The following HS6ST1 variants were observed in gnomAD, a reference collection of about 807,000 sequenced individuals.
HS6ST1 encodes the protein heparan-sulfate 6-O-sulfotransferase 1.
Under a neutral mutation model 25.2 loss-of-function variants are expected in HS6ST1, and 3 were observed. That is an observed-to-expected ratio of 0.12 (90% CI 0.05 to 0.31). HS6ST1 has a LOEUF of 0.31. Among genes scored for constraint, HS6ST1 ranks in the 10% least tolerant of loss-of-function variants. The pLI is 1.00. For synonymous variants in HS6ST1, 204 were observed against 275.1 expected, an observed-to-expected ratio of 0.74 and a Z score of 2.56; for missense variants, 310 against 609.6, an observed-to-expected ratio of 0.51 and a Z score of 5.18.
intron 1 of HS6ST1, among the ~76,000 whole-genome samples, chr2:128,292,675 G>A (rs961449189): frequency 6.6e-6 from 1 of 152,092 alleles, no homozygotes; most frequent in African/African-American, 2.4e-5. Context: ...AGTGCCCTGT[G>A]CAGTGGCTCC....
At chr2:128,284,686 C>T (rs1392118881) in intron 1 of HS6ST1, among the ~76,000 whole-genome samples, 1 of 152,120 alleles carries the variant, frequency 6.6e-6, no homozygotes, top group Non-Finnish European at 1.5e-5. Flanking sequence ...TGGGGTTTTG[C>T]CATGTTGGCC....
intron 1 of HS6ST1, among the ~76,000 whole-genome samples, chr2:128,305,850 C>T (rs1694200381): frequency 6.6e-6 from 1 of 152,192 alleles, no homozygotes; most frequent in Admixed American, 6.5e-5. Flanking sequence ...TTCCCTGCAC[C>T]ATCCTGGACT....
rs539209723 is a variant in HS6ST1 at position 128,276,222 on chromosome 2, G to T, written c.528-7352C>A. The stretch of plus-strand genomic sequence containing the variant: ...GGCTCACTGCAACCTCCGCCTCCTG[G>T]GTTCAATCAATTCTCCCGCCTCAGC... On this transcript the variant is annotated intron_variant, in intron 1 of 1. Transcript: ENST00000259241. 2.0e-5 allele frequency among the ~76,000 whole-genome samples: 3 copies of T among 152,198 alleles called. No homozygotes were observed. In the South Asian group the frequency reaches 6.2e-4, roughly 32 times the overall value.
chr2:128,284,992 T>C (rs1013709317), intron 1 of HS6ST1, among the ~76,000 whole-genome samples: 1 of 152,198 alleles, frequency 6.6e-6, no homozygotes, highest in Admixed American at 6.5e-5. Context: ...GTGGCCCCAC[T>C]GGCAGGCCTG....
intron 1 of HS6ST1, among the ~76,000 whole-genome samples, chr2:128,281,859 C>A (rs1280800543): frequency 6.6e-6 from 1 of 152,220 alleles, no homozygotes; most frequent in Non-Finnish European, 1.5e-5. Context: ...TACCCAGTCA[C>A]CCCATAGGCA....
Position 128,268,564 on chromosome 2 carries a change from G to A in HS6ST1, c.834C>T (p.Leu278=), listed in dbSNP as rs536289777. 1.4e-4 allele frequency: 220 copies of A among 1,602,028 alleles called. No individual in the cohort carries two copies. Among genetic ancestry groups the A allele is most frequent in the South Asian group, 4.1e-4 (37 of 90,092 alleles). Residue 278 remains leucine, a synonymous_variant, in exon 2 of 2, where the codon CTC becomes CTT. Transcript: ENST00000259241. Reference sequence around the variant, plus strand: ...CCCGCAGGTTCTTCTTGGCGCTCTCGAGCAGCAGCTGGGCCCGCTTGCCCT... The same window carrying A: ...CCCGCAGGTTCTTCTTGGCGCTCTCAAGCAGCAGCTGGGCCCGCTTGCCCT... ...IPEGKRAQLL[L]ESAKKNLRGM...
At position 128,318,386 on chromosome 2, in the gene HS6ST1, G is replaced by A. The variant is rs746894917; in HGVS notation, c.178C>T (p.Pro60Ser). 7 of 1,607,730 alleles carry A rather than the reference G, an allele frequency of 4.4e-6. No individual in the cohort carries two copies. The highest frequency in any genetic ancestry group is 1.8e-4 in the Middle Eastern group (1 of 5,544). Residue 60 changes from proline (P) to serine (S), a missense_variant, in exon 1 of 2, where the codon CCC becomes TCC. Coordinates refer to ENST00000259241, the MANE Select transcript of HS6ST1 (RefSeq NM_004807.3). This position sits in a 1 kb window ranked among gnomAD's most constrained non-coding sequence, Gnocchi z 5.7. ...TACTTCTTCTCGTAGTGGGGGTCGG[G>A]TGTGGGGAACAGGTCCAGGTCGTCG... ...PPDDLDLFPT[P>S]DPHYEKKYYF...
At chr2:128,288,842 G>T (rs554362588) in intron 1 of HS6ST1, among the ~76,000 whole-genome samples, 3 of 152,012 alleles carry the variant, frequency 2.0e-5, no homozygotes, top group African/African-American at 2.4e-5. Flanking sequence ...TCAGGAGGGC[G>T]AGAGCTCATC....
chr2:128,317,612 G>C (rs1694392602), intron 1 of HS6ST1, among the ~76,000 whole-genome samples: 1 of 152,192 alleles, frequency 6.6e-6, no homozygotes, highest in Non-Finnish European at 1.5e-5. Flanking sequence ...TCCACTTTTG[G>C]GACCACAGCA....
chr2:128,283,626 T>C (rs1693818492), intron 1 of HS6ST1, among the ~76,000 whole-genome samples: 1 of 152,208 alleles, frequency 6.6e-6, no homozygotes, highest in Non-Finnish European at 1.5e-5. Flanking sequence ...CCCCATGTCC[T>C]GGTCCTCGTG....
intron 1 of HS6ST1, among the ~76,000 whole-genome samples, chr2:128,277,286 C>T (rs1215623079): frequency 3.3e-5 from 5 of 152,198 alleles, no homozygotes; most frequent in Admixed American, 2.0e-4. Flanking sequence ...CCCTAAGCTG[C>T]GGTCCTGCTG....
intron 1 of HS6ST1, 52 bp from the exon 2 acceptor site, chr2:128,268,922 G>A (rs538602356): frequency 1.4e-6 from 2 of 1,469,828 alleles, no homozygotes; most frequent in Non-Finnish European, 9.4e-7. Context: ...CATGAGGGGG[G>A]CTACCAGGGC....
intron 1 of HS6ST1, among the ~76,000 whole-genome samples, chr2:128,277,226 A>G (rs555253428): frequency 4.6e-5 from 7 of 152,262 alleles, no homozygotes; most frequent in African/African-American, 1.4e-4. Context: ...TTTGCTGGCA[A>G]ATGAGGTTCT....
chr2:128,318,165 G>A lies in HS6ST1; in HGVS notation c.399C>T (p.Arg133=), dbSNP rs1218661869. Residue 133 remains arginine, a synonymous_variant, in exon 1 of 2, where the codon CGC becomes CGT. Coordinates refer to ENST00000259241, the MANE Select transcript of HS6ST1 (RefSeq NM_004807.3). The surrounding 1 kb of genome is among the most constrained non-coding windows in gnomAD (Gnocchi z 5.7). The stretch of plus-strand genomic sequence containing the variant: ...AGAAGCGGGAGAAGAGCCAAGTCTC[G>A]CGGCGGTTGGGCCGGTAGCAGGTGC... ...KKCTCYRPNR[R]ETWLFSRFST... The A allele has an allele frequency of 5.9e-6, 9 of 1,531,192 alleles. 1 individual carries two copies. The highest frequency in any genetic ancestry group is 1.2e-5 in the South Asian group (1 of 84,266). 94.9% of individuals were successfully genotyped at this position (1,531,192 alleles called of 1,614,324 possible).
rs1227899496 is a variant in HS6ST1 at position 128,266,414 on chromosome 2, A to G, written c.*1748T>C. ...GGAGGTGGCCCTGCGCGGCGCTGGC[A>G]CGCTGTCCACCCTGCCCTGTTGACC... is the stretch of plus-strand genomic sequence containing the variant. On this transcript the variant is annotated 3_prime_UTR_variant, in exon 2 of 2. Coordinates refer to ENST00000259241, the MANE Select transcript of HS6ST1 (RefSeq NM_004807.3). The G allele has an allele frequency of 6.6e-6, 1 of 152,178 alleles. No homozygotes were observed. The highest frequency in any genetic ancestry group is 1.9e-4 in the East Asian group (1 of 5,170). 9.4% of individuals were successfully genotyped at this position (152,178 alleles called of 1,614,324 possible). A position where few individuals can be genotyped will look rare whatever the true frequency, so the allele number is the denominator to read the frequency against.
At chr2:128,301,331 G>T (rs760650040) in intron 1 of HS6ST1, among the ~76,000 whole-genome samples, 1 of 152,156 alleles carries the variant, frequency 6.6e-6, no homozygotes, top group Non-Finnish European at 1.5e-5. Flanking sequence ...TGCGCCCTGT[G>T]TGTCAGGCAG....
Position 128,268,886 on chromosome 2 carries a change from G to C in HS6ST1, c.528-16C>G, listed in dbSNP as rs1174436649. ...GTAGAACTTCCTGCAAGGAGACGGG[G>C]AGAGGAGGTGAGGGCTGTGACGCAG... On this transcript the variant is annotated splice_polypyrimidine_tract_variant and intron_variant, in intron 1 of 1. Coordinates refer to ENST00000259241, the MANE Select transcript of HS6ST1 (RefSeq NM_004807.3). 3.1e-6 allele frequency: 5 copies of C among 1,593,428 alleles called. No homozygotes were observed. The highest frequency in any genetic ancestry group is 4.3e-6 in the Non-Finnish European group (5 of 1,171,372).
At chr2:128,280,954 G>A (rs1693776846) in intron 1 of HS6ST1, among the ~76,000 whole-genome samples, 2 of 152,252 alleles carry the variant, frequency 1.3e-5, no homozygotes. Context: ...CCCAACCCCA[G>A]GGAGCCCCTC....
Position 128,279,884 on chromosome 2 carries a change from C to T in HS6ST1, c.528-11014G>A, listed in dbSNP as rs151066001. Among the ~76,000 whole-genome samples, 279 of 152,296 alleles carry T rather than the reference C, an allele frequency of 1.8e-3. 1 individual carries two copies. Among genetic ancestry groups the T allele is most frequent in the Non-Finnish European group, 2.8e-3 (188 of 68,034 alleles). On this transcript the variant is annotated intron_variant, in intron 1 of 1. Coordinates refer to ENST00000259241, the MANE Select transcript of HS6ST1 (RefSeq NM_004807.3). ...TTCCTCTGAGGACCGCGTGAGCACC[C>T]GGCCACACTCAGCGACAGCACCTGC...
Sources: gnomAD v4.1 joint callset for allele counts (sites outside exome capture counted in the v4.1 genomes callset) on GRCh38, gnomAD v4.1.1 for gene constraint, Gnocchi (gnomAD v3.1) non-coding constraint, MANE v1.5 for transcripts, NCBI Gene and HGNC (gene_info 2026-07-23, HGNC 2026-07-21) for gene names.